The following KIAA1958 variants were observed in gnomAD, a reference collection of about 807,000 sequenced individuals.
KIAA1958 encodes the protein KIAA1958, also known as uncharacterized protein KIAA1958.
Under a neutral mutation model 47.2 loss-of-function variants are expected in KIAA1958, and 14 were observed. The ratio of observed to expected loss-of-function variants is 0.30; its 90% CI spans 0.20 to 0.46. KIAA1958 has a LOEUF of 0.46. Ranked by LOEUF, KIAA1958 falls within the 20% of genes least tolerant of loss-of-function variation. The pLI, the probability that KIAA1958 is intolerant of heterozygous loss-of-function variation, is 1.00. For missense variants in KIAA1958, 803 were observed against 909.2 expected (o/e 0.88, Z 1.50); for synonymous variants, 354 against 353.3 (o/e 1.00, Z -0.02).
At chr9:112,535,363 T>G (rs1377372243) in intron 1 of KIAA1958, among the ~76,000 whole-genome samples, 1 of 152,236 alleles carries the variant, frequency 6.6e-6, no homozygotes. Flanking sequence ...CTGTCTTCTT[T>G]TAACTAGCAT....
rs1463518942 is a variant in KIAA1958, at chr9:112,486,850, G to A, written c.-293G>A. The A allele has an allele frequency of 1.7e-5, 2 of 119,098 alleles. No individual in the cohort carries two copies. The highest frequency in any genetic ancestry group is 3.4e-5 in the Non-Finnish European group (2 of 58,050). The allele number at this position is 119,098 out of a possible 1,614,324, so 7.4% of individuals were successfully genotyped here. ...GCCCCCTGCCCGCCCGCCGCGCTCC[G>A]AGCCGGGCGCGCGGAGCTCGGGGCG... is the stretch of plus-strand genomic sequence containing the variant. On this transcript the variant is annotated 5_prime_UTR_variant, in exon 1 of 4. Coordinates refer to ENST00000337530, the MANE Select transcript of KIAA1958 (RefSeq NM_133465.4).
At chr9:112,509,141 G>A (rs905009336) in intron 1 of KIAA1958, among the ~76,000 whole-genome samples, 1 of 150,340 alleles carries the variant, frequency 6.7e-6, no homozygotes, top group African/African-American at 2.4e-5. Context: ...TCACAGAGAA[G>A]TTCTATCCTT....
chr9:112,531,114 C>A (rs545444151), intron 1 of KIAA1958, among the ~76,000 whole-genome samples: 1 of 152,076 alleles, frequency 6.6e-6, no homozygotes, highest in Non-Finnish European at 1.5e-5. Context: ...AAATGTCAGG[C>A]GCTGTGGCTC....
At chr9:112,545,178 A>G (rs948724765) in intron 1 of KIAA1958, among the ~76,000 whole-genome samples, 1 of 152,190 alleles carries the variant, frequency 6.6e-6, no homozygotes, top group Non-Finnish European at 1.5e-5. Context: ...ACCTCCATTA[A>G]TGATCCCAAA....
intron 1 of KIAA1958, among the ~76,000 whole-genome samples, chr9:112,533,184 A>C (rs1235216951): frequency 2.6e-5 from 4 of 152,022 alleles, no homozygotes; most frequent in Non-Finnish European, 5.9e-5. Flanking sequence ...GAGTATTCTT[A>C]TATATATAAA....
Position 112,575,068 on chromosome 9 carries a change from C to G in KIAA1958, c.988C>G (p.Leu330Val). The change falls in exon 2 of 4, where the codon CTG (leucine) becomes GTG (valine). Residue 330 changes from leucine to valine, a missense_variant. Transcript: ENST00000337530. ...QISIPLSALQLPGQDEQVASE... is the reference protein window; with the variant it reads ...QISIPLSALQVPGQDEQVASE... ...CAGTATCCCCTTGTCTGCCCTGCAG[C>G]TGCCTGGACAGGATGAGCAAGTTGC... 6.2e-7 allele frequency: 1 copy of G among 1,613,582 alleles called. No homozygotes were observed. Among genetic ancestry groups the G allele is most frequent in the Non-Finnish European group, 8.5e-7 (1 of 1,180,012 alleles).
Position 112,544,070 on chromosome 9 carries a change from G to A in KIAA1958, c.-24-29987G>A, listed in dbSNP as rs183616128. Among the ~76,000 whole-genome samples, 609 of 152,038 alleles carry A rather than the reference G, an allele frequency of 4.0e-3. 2 individuals carry two copies. Among genetic ancestry groups the A allele is most frequent in the African/African-American group, 0.014 (575 of 41,472 alleles). On this transcript the variant is annotated intron_variant, in intron 1 of 3. Coordinates refer to ENST00000337530, the MANE Select transcript of KIAA1958 (RefSeq NM_133465.4). ...ATGTCTCTATTGTCTTAGTAAAGAT[G>A]CCCTTTTTTCTTGTATATCCAACCT...
chr9:112,565,603 G>C (rs1477263237), intron 1 of KIAA1958, among the ~76,000 whole-genome samples: 1 of 152,088 alleles, frequency 6.6e-6, no homozygotes, highest in East Asian at 1.9e-4. Flanking sequence ...TTTATTCTCA[G>C]AATTTAAAAA....
intron 1 of KIAA1958, among the ~76,000 whole-genome samples, chr9:112,489,917 C>G (rs1833934727): frequency 1.3e-5 from 2 of 152,206 alleles, no homozygotes; most frequent in South Asian, 4.1e-4. Flanking sequence ...CTAGTGTTTT[C>G]ATTAGCAATA....
At chr9:112,489,983 A>G (rs1833936838) in intron 1 of KIAA1958, among the ~76,000 whole-genome samples, 1 of 152,226 alleles carries the variant, frequency 6.6e-6, no homozygotes, top group Non-Finnish European at 1.5e-5. Flanking sequence ...GTGACTTTCA[A>G]GTCTTTCTTT....
chr9:112,646,901 A>G lies in KIAA1958; in HGVS notation c.1344+1079A>G, dbSNP rs559842561. Among the ~76,000 whole-genome samples, 3 of 152,362 alleles carry G rather than the reference A, an allele frequency of 2.0e-5. No homozygotes were observed. In the South Asian group the frequency reaches 6.2e-4, roughly 32 times the overall value. Reference sequence around the variant, plus strand: ...GAGTCTAAATCAGATTTGCAGATGGAAATGGCCAACAAAGAGTTAGGAATG... The same window carrying G: ...GAGTCTAAATCAGATTTGCAGATGGGAATGGCCAACAAAGAGTTAGGAATG... On this transcript the variant is annotated intron_variant, in intron 3 of 3. Coordinates refer to ENST00000337530, the MANE Select transcript of KIAA1958 (RefSeq NM_133465.4).
At chr9:112,577,817 A>T (rs1276298932) in intron 2 of KIAA1958, among the ~76,000 whole-genome samples, 1 of 151,820 alleles carries the variant, frequency 6.6e-6, no homozygotes, top group Non-Finnish European at 1.5e-5. Flanking sequence ...TGTGTATTAC[A>T]TTCTCTTAGG....
chr9:112,574,704 C>T lies in KIAA1958; in HGVS notation c.624C>T (p.Pro208=), dbSNP rs781436748. ...VIIKKIKQEI[P]EDYYIVANAE... Reference sequence around the variant, plus strand: ...TCAAGAAAATCAAACAAGAAATCCCCGAAGATTATTACATTGTGGCAAATG... The same window carrying T: ...TCAAGAAAATCAAACAAGAAATCCCTGAAGATTATTACATTGTGGCAAATG... Residue 208 remains proline (P), a synonymous_variant, in exon 2 of 4, where the codon CCC becomes CCT. Transcript: ENST00000337530. 18 of 1,613,958 alleles carry T rather than the reference C, an allele frequency of 1.1e-5. No individual in the cohort carries two copies. The highest frequency in any genetic ancestry group is 7.7e-5 in the South Asian group (7 of 91,078).
intron 2 of KIAA1958, among the ~76,000 whole-genome samples, chr9:112,583,174 C>T (rs991937275): frequency 6.6e-6 from 1 of 152,202 alleles, no homozygotes; most frequent in Non-Finnish European, 1.5e-5. Context: ...AAGCCAGAAA[C>T]TTGCTTTCCA....
At chr9:112,505,355 A>G (rs1026842239) in intron 1 of KIAA1958, among the ~76,000 whole-genome samples, 1 of 152,208 alleles carries the variant, frequency 6.6e-6, no homozygotes, top group Non-Finnish European at 1.5e-5. Context: ...TTCCGCGTTT[A>G]TAAAATGAGT....
intron 2 of KIAA1958, among the ~76,000 whole-genome samples, chr9:112,600,850 CTT>C (rs1836119654): frequency 6.6e-6 from 1 of 152,192 alleles, no homozygotes; most frequent in Non-Finnish European, 1.5e-5. Flanking sequence ...AACTAGATGA[CTT>C]ATATGTCCAA....
At chr9:112,532,577 ATG>A (rs1364503447) in intron 1 of KIAA1958, among the ~76,000 whole-genome samples, 3 of 152,132 alleles carry the variant, frequency 2.0e-5, no homozygotes, top group Non-Finnish European at 4.4e-5. Context: ...GAAGGTTCTG[ATG>A]TGTGTATAAA....
rs2131259932 is a variant in KIAA1958, at chr9:112,665,262, TCTA to T, written c.*5196_*5198del. On this transcript the variant is annotated 3_prime_UTR_variant, in exon 4 of 4. Coordinates refer to ENST00000337530, the MANE Select transcript of KIAA1958 (RefSeq NM_133465.4). The stretch of plus-strand genomic sequence containing the variant: ...TCATTTAACTGTGGTTATTGTTACA[TCTA>T]CTGATTTTTTCAAATAAAAATTTCT... 6.6e-6 allele frequency: 1 copy of T among 152,328 alleles called. No homozygotes were observed. Among genetic ancestry groups the T allele is most frequent in the South Asian group, 2.1e-4 (1 of 4,826 alleles). 9.4% of individuals were successfully genotyped at this position (152,328 alleles called of 1,614,324 possible).
At chr9:112,489,477 T>G (rs1302842926) in intron 1 of KIAA1958, among the ~76,000 whole-genome samples, 2 of 151,034 alleles carry the variant, frequency 1.3e-5, no homozygotes, top group Non-Finnish European at 3.0e-5. Context: ...TTTTTGTGTT[T>G]TTTTTTTTTT....
Sources: gnomAD v4.1 joint callset for allele counts (sites outside exome capture counted in the v4.1 genomes callset) on GRCh38, gnomAD v4.1.1 for gene constraint, MANE v1.5 for transcripts, NCBI Gene and HGNC (gene_info 2026-07-23, HGNC 2026-07-21) for gene names.